NPC2: variants seen among roughly 807,000 people sequenced by gnomAD.
The protein encoded by NPC2 is Niemann-Pick disease type C2 protein.
NPC2 carries 14 observed loss-of-function variants against 17.0 expected under a neutral mutation model. The ratio of observed to expected loss-of-function variants is 0.82; its 90% confidence interval spans 0.54 to 1.29. The LOEUF is 1.29. Ranked by LOEUF, NPC2 falls within the 50% of genes most tolerant of loss-of-function variation. NPC2 has a pLI of 0.00. For synonymous variants in NPC2, 75 were observed against 69.3 expected (o/e 1.08, Z -0.41); for missense variants, 167 against 183.4 (o/e 0.91, Z 0.52).
chr14:74,489,163 C>T (rs1413309870), intron 1 of NPC2, among the ~76,000 whole-genome samples: 1 of 152,204 alleles, frequency 6.6e-6, no homozygotes, highest in South Asian at 2.1e-4. Flanking sequence ...CTGACTCACA[C>T]AGCCAAGATG....
At chr14:74,490,443 C>A (rs1490793459) in intron 1 of NPC2, among the ~76,000 whole-genome samples, 6 of 152,228 alleles carry the variant, frequency 3.9e-5, no homozygotes, top group African/African-American at 7.2e-5. Context: ...CCACTCCAAC[C>A]CATTTTTGGT....
intron 3 of NPC2, among the ~76,000 whole-genome samples, chr14:74,483,864 G>A (rs1417138103): frequency 5.3e-5 from 8 of 152,148 alleles, no homozygotes; most frequent in Non-Finnish European, 8.8e-5. Context: ...GCACTAAAAA[G>A]TTGAACCATC....
intron 2 of NPC2, among the ~76,000 whole-genome samples, chr14:74,484,823 C>T (rs76270256): frequency 6.2e-4 from 93 of 148,934 alleles, no homozygotes; most frequent in African/African-American, 2.3e-3. Flanking sequence ...CTCTTCATGG[C>T]CCTTCACAGT....
At chr14:74,490,745 G>A (rs986838246) in intron 1 of NPC2, among the ~76,000 whole-genome samples, 2 of 152,224 alleles carry the variant, frequency 1.3e-5, no homozygotes, top group Non-Finnish European at 2.9e-5. Context: ...CCACGCCAGG[G>A]AAGGTGGGTG....
At chr14:74,484,731 G>A (rs1298891003) in intron 2 of NPC2, 144 bp from the exon 3 acceptor site, 4 of 341,668 alleles carry the variant, frequency 1.2e-5, no homozygotes, top group African/African-American at 4.9e-5. Flanking sequence ...CACAGTGCAA[G>A]CATTCACTCC....
intron 3 of NPC2, 83 bp from the exon 4 acceptor site, chr14:74,480,862 T>G: frequency 1.7e-6 from 2 of 1,162,626 alleles, no homozygotes; most frequent in South Asian, 2.4e-5. Flanking sequence ...GAATCCTAGA[T>G]GTACAGTAGC....
rs1566600709 is a variant in NPC2, at chr14:74,480,097, A to G, written c.*177T>C. On this transcript the variant is annotated 3_prime_UTR_variant, in exon 5 of 5. Transcript: ENST00000555619. ...CCTAAGACAGAAAAAGAGACATGAG[A>G]CAACCACTGAGAACCAGCCACCCGG... The G allele has an allele frequency of 9.1e-6, 14 of 1,544,048 alleles. No individual in the cohort carries two copies. Among genetic ancestry groups the G allele is most frequent in the Non-Finnish European group, 1.2e-5 (14 of 1,149,230 alleles).
chr14:74,492,421 G>C (rs977373902), intron 1 of NPC2, among the ~76,000 whole-genome samples: 6 of 152,168 alleles, frequency 3.9e-5, no homozygotes, highest in African/African-American at 1.4e-4. Flanking sequence ...TTGATTATAC[G>C]ATCTCCGTGC....
At chr14:74,490,047 C>T (rs2086755168) in intron 1 of NPC2, among the ~76,000 whole-genome samples, 1 of 152,224 alleles carries the variant, frequency 6.6e-6, no homozygotes, top group African/African-American at 2.4e-5. Flanking sequence ...CTGGACCTCT[C>T]ACCTCAAATA....
At position 74,491,026 on chromosome 14, in the gene NPC2, G is replaced by A. The variant is rs192641812; in HGVS notation, c.82+2167C>T. On this transcript the variant is annotated intron_variant, in intron 1 of 4. Coordinates refer to ENST00000555619, the MANE Select transcript of NPC2 (RefSeq NM_006432.5). ...TTGGGCAAGTTACTCTATGTGCTTCGCTTTCCTCATCTGTAAGACAGCTTG... is the reference window on the plus strand; with the variant it reads ...TTGGGCAAGTTACTCTATGTGCTTCACTTTCCTCATCTGTAAGACAGCTTG... Among the ~76,000 whole-genome samples the A allele has an allele frequency of 1.8e-3, 275 of 152,208 alleles. 1 individual carries two copies. Among genetic ancestry groups the A allele is most frequent in the African/African-American group, 6.4e-3 (267 of 41,520 alleles).
In NPC2 at chr14:74,486,312, G is replaced by C. The variant is rs572299295; in HGVS notation, c.190+17C>G. The C allele has an allele frequency of 1.1e-5, 17 of 1,565,460 alleles. No individual in the cohort carries two copies. The African/African-American group carries it at 1.7e-4, about 16-fold the overall frequency. On this transcript the variant is annotated intron_variant, in intron 2 of 4. Transcript: ENST00000555619. Reference sequence around the variant, plus strand: ...ATGCTGTAACATGAATTTGAGTTAAGAGCCACTTTTACGCACTGCTGGTGA... The same window carrying C: ...ATGCTGTAACATGAATTTGAGTTAACAGCCACTTTTACGCACTGCTGGTGA...
chr14:74,488,031 A>T lies in NPC2; in HGVS notation c.83-1595T>A, dbSNP rs551442819. Reference sequence around the variant, plus strand: ...TTACCGGAACCTGAAAGAAGCTTTAAATACGCAGCCATGTTGATGAATGGA... The same window carrying T: ...TTACCGGAACCTGAAAGAAGCTTTATATACGCAGCCATGTTGATGAATGGA... On this transcript the variant is annotated intron_variant, in intron 1 of 4. Coordinates refer to ENST00000555619, the MANE Select transcript of NPC2 (RefSeq NM_006432.5). Among the ~76,000 whole-genome samples, 4 of 152,298 alleles carry T rather than the reference A, an allele frequency of 2.6e-5. No homozygotes were observed. The South Asian group carries it at 8.3e-4, about 32-fold the overall frequency.
At chr14:74,481,960 C>T (rs2086660764) in intron 3 of NPC2, among the ~76,000 whole-genome samples, 1 of 152,236 alleles carries the variant, frequency 6.6e-6, no homozygotes, top group Non-Finnish European at 1.5e-5. Context: ...GTTCTTGAAA[C>T]TTGCCTTGTG....
At chr14:74,481,953 C>G (rs2086660387) in intron 3 of NPC2, among the ~76,000 whole-genome samples, 1 of 152,246 alleles carries the variant, frequency 6.6e-6, no homozygotes, top group Non-Finnish European at 1.5e-5. Context: ...TATTCAGGTT[C>G]TTGAAACTTG....
chr14:74,489,865 T>C (rs4903229), intron 1 of NPC2, among the ~76,000 whole-genome samples: 34,187 of 152,178 alleles, frequency 0.22, 4,252 homozygotes, highest in African/African-American at 0.32. Context: ...ATACTTTACC[T>C]CTCTGGAGAT....
At chr14:74,480,558 G>A (rs575499583) in intron 4 of NPC2, 144 bp downstream of exon 4, 199 of 816,760 alleles carry the variant, frequency 2.4e-4, no homozygotes, top group Admixed American at 1.0e-4. Flanking sequence ...AGGAAATAGG[G>A]TCTCAGATGC....
rs140677611 is a variant in NPC2 at position 74,492,696 on chromosome 14, A to C, written c.82+497T>G. 4.6e-3 allele frequency among the ~76,000 whole-genome samples: 699 copies of C among 152,356 alleles called. 5 individuals are homozygous for C. Among genetic ancestry groups the C allele is most frequent in the African/African-American group, 0.016 (668 of 41,574 alleles). On this transcript the variant is annotated intron_variant, in intron 1 of 4. Transcript: ENST00000555619. ...TTTATACAAGGAAAAACTGATTAAG[A>C]ATCACAAGATTCCAAAGCCCAAAGG...
At chr14:74,489,307 A>C (rs1358128297) in intron 1 of NPC2, among the ~76,000 whole-genome samples, 7 of 152,246 alleles carry the variant, frequency 4.6e-5, no homozygotes, top group Non-Finnish European at 7.3e-5. Context: ...ATATGTTAAA[A>C]ACATAAGGAT....
intron 1 of NPC2, 132 bp from the exon 2 acceptor site, chr14:74,486,568 G>T: frequency 1.4e-6 from 1 of 726,414 alleles, no homozygotes. Flanking sequence ...CTGTTTCCCA[G>T]GATGGAATCT....
Sources: gnomAD v4.1 joint callset for allele counts (sites outside exome capture counted in the v4.1 genomes callset) on GRCh38, gnomAD v4.1.1 for gene constraint, MANE v1.5 for transcripts, NCBI Gene and HGNC (gene_info 2026-07-23, HGNC 2026-07-21) for gene names.